The following SV2B variants were observed in gnomAD, a reference collection of about 807,000 sequenced individuals.
The protein encoded by SV2B is solute carrier family 22 member B2.
SV2B carries 41 observed loss-of-function variants against 73.9 expected under a neutral mutation model. The ratio of observed to expected loss-of-function variants is 0.56; its 90% CI spans 0.43 to 0.72. SV2B has a LOEUF of 0.72. Ranked by LOEUF, SV2B falls within the 30% of genes least tolerant of loss-of-function variation. The pLI, the probability that SV2B is intolerant of heterozygous loss-of-function variation, is 0.00. For missense variants in SV2B, 764 were observed against 857.8 expected (o/e 0.89, Z 1.37); for synonymous variants, 314 against 314.2 (o/e 1.00, Z 0.01).
At chr15:91,218,602 G>T (rs1040773757) in intron 1 of SV2B, among the ~76,000 whole-genome samples, 1 of 152,102 alleles carries the variant, frequency 6.6e-6, no homozygotes, top group Non-Finnish European at 1.5e-5. Flanking sequence ...TTACAATAAG[G>T]TTCTCAAATA....
rs1192999490 is a variant in SV2B, at chr15:91,105,025, CTCTT to C, written c.-392+4666_-392+4669del. On this transcript the variant is annotated intron_variant, in intron 1 of 12. Transcript: ENST00000394232. This position sits in a 1 kb window ranked among gnomAD's most constrained non-coding sequence, Gnocchi z 5.5. ...AGCCTGTACTTGCTCTTGTGACTGT[CTCTT>C]TCTGTGTTTCTGTGGTTGACCATCT... is the stretch of plus-strand genomic sequence containing the variant. 5.9e-5 allele frequency among the ~76,000 whole-genome samples: 9 copies of C among 152,316 alleles called. 1 individual carries two copies. The South Asian group carries it at 1.0e-3, about 18-fold the overall frequency.
chr15:91,198,146 C>G (rs917540748), intron 1 of SV2B, among the ~76,000 whole-genome samples: 1 of 152,160 alleles, frequency 6.6e-6, no homozygotes, highest in Admixed American at 6.6e-5. Flanking sequence ...ATGAAAAAGT[C>G]TGCCCCGGTG....
rs951747156 is a variant in SV2B, at chr15:91,300,670, C to T, written c.*8118C>T. The T allele has an allele frequency of 2.0e-5, 3 of 152,120 alleles. No homozygotes were observed. Among genetic ancestry groups the T allele is most frequent in the Non-Finnish European group, 2.9e-5 (2 of 68,034 alleles). 9.4% of individuals were successfully genotyped at this position (152,120 alleles called of 1,614,324 possible). On this transcript the variant is annotated 3_prime_UTR_variant, in exon 13 of 13. Coordinates refer to ENST00000394232, the MANE Select transcript of SV2B (RefSeq NM_001323032.3). ...TCCCTGAAAGTCAGGCCAGTGGTCT[C>T]GAATCATTCCCACAGCAACTGCTAC...
At chr15:91,201,204 C>T (rs932632418) in intron 1 of SV2B, among the ~76,000 whole-genome samples, 25 of 152,308 alleles carry the variant, frequency 1.6e-4, no homozygotes, top group African/African-American at 5.1e-4. Flanking sequence ...CAGTGAATCA[C>T]ACCCTTTTTG....
At chr15:91,191,434 C>T (rs754191041) in intron 1 of SV2B, among the ~76,000 whole-genome samples, 16 of 152,078 alleles carry the variant, frequency 1.1e-4, no homozygotes, top group Non-Finnish European at 1.8e-4. Flanking sequence ...ACCTTCATAT[C>T]GAAGTACTTG....
intron 1 of SV2B, among the ~76,000 whole-genome samples, chr15:91,205,197 A>T (rs1465275586): frequency 2.0e-5 from 3 of 152,122 alleles, no homozygotes; most frequent in Non-Finnish European, 4.4e-5. Context: ...TCAACCTAAA[A>T]TAACCAAAAA....
At position 91,115,940 on chromosome 15, in the gene SV2B, G is replaced by A. The variant is rs1187660062; in HGVS notation, c.-392+15577G>A. On this transcript the variant is annotated intron_variant, in intron 1 of 12. Transcript: ENST00000394232. This position sits in a 1 kb window ranked among gnomAD's most constrained non-coding sequence, Gnocchi z 4.3. Reference sequence around the variant, plus strand: ...GTGTAGAAGTTTGTAAAGAAGCTTTGTTTCACATACACCTTAACAGAGTAC... The same window carrying A: ...GTGTAGAAGTTTGTAAAGAAGCTTTATTTCACATACACCTTAACAGAGTAC... 6.6e-6 allele frequency among the ~76,000 whole-genome samples: 1 copy of A among 152,022 alleles called. No homozygotes were observed. Among genetic ancestry groups the A allele is most frequent in the Non-Finnish European group, 1.5e-5 (1 of 68,016 alleles).
intron 1 of SV2B, among the ~76,000 whole-genome samples, chr15:91,202,214 T>G (rs567771234): frequency 1.8e-4 from 28 of 152,284 alleles, no homozygotes; most frequent in African/African-American, 6.5e-4. Context: ...AGATATGCAT[T>G]TACTTGTTTA....
chr15:91,161,297 A>G (rs1434947747), intron 1 of SV2B, among the ~76,000 whole-genome samples: 2 of 152,146 alleles, frequency 1.3e-5, no homozygotes, highest in Non-Finnish European at 2.9e-5. Context: ...TTTTTTTTGT[A>G]TGTAAATTGT....
chr15:91,167,092 C>T (rs772649756), intron 1 of SV2B, among the ~76,000 whole-genome samples: 6 of 152,048 alleles, frequency 3.9e-5, no homozygotes, highest in South Asian at 2.1e-4. Context: ...GGATTACAGG[C>T]GTGAGCCACC....
chr15:91,109,018 T>C (rs2041965722), intron 1 of SV2B, among the ~76,000 whole-genome samples: 1 of 152,224 alleles, frequency 6.6e-6, no homozygotes, highest in Admixed American at 6.5e-5. Flanking sequence ...AATTTTCTTT[T>C]CACAAAAGGC....
At chr15:91,180,951 T>C (rs1292169857) in intron 1 of SV2B, among the ~76,000 whole-genome samples, 1 of 152,254 alleles carries the variant, frequency 6.6e-6, no homozygotes, top group East Asian at 1.9e-4. Context: ...TGCGTTCCTT[T>C]GGAGGAGGAG....
chr15:91,215,845 A>G (rs937957742), intron 1 of SV2B, among the ~76,000 whole-genome samples: 3 of 152,168 alleles, frequency 2.0e-5, no homozygotes, highest in African/African-American at 7.2e-5. Context: ...CTTCTCCATA[A>G]ATTATTGTTC....
chr15:91,158,663 TCTCTTCTC>T (rs1448997947), intron 1 of SV2B, among the ~76,000 whole-genome samples: 1 of 57,452 alleles, frequency 1.7e-5, no homozygotes, highest in Non-Finnish European at 3.6e-5. Context: ...TCTCTTCTCT[TCTCTTCTC>T]TTCTCTTCTC....
At chr15:91,174,142 G>A (rs2044220787) in intron 1 of SV2B, among the ~76,000 whole-genome samples, 1 of 152,316 alleles carries the variant, frequency 6.6e-6, no homozygotes, top group South Asian at 2.1e-4. Context: ...CAGAGATACA[G>A]CCTTTAGCAA....
chr15:91,221,681 C>T (rs571383795), intron 1 of SV2B, among the ~76,000 whole-genome samples: 1 of 95,612 alleles, frequency 1.0e-5, no homozygotes, highest in Non-Finnish European at 1.9e-5. Context: ...TGGACTATTA[C>T]CAAGCATGTG....
At chr15:91,269,501 C>T (rs964410455) in intron 9 of SV2B, among the ~76,000 whole-genome samples, 6 of 152,210 alleles carry the variant, frequency 3.9e-5, no homozygotes, top group South Asian at 2.1e-4. Context: ...ATATTTACCA[C>T]TTCAATACAA....
At chr15:91,134,723 A>G (rs76615234) in intron 1 of SV2B, among the ~76,000 whole-genome samples, 1,898 of 152,320 alleles carry the variant, frequency 0.012, 31 homozygotes, top group African/African-American at 0.042. Flanking sequence ...GCCAGGCACA[A>G]TTCCTAACAC....
rs573427047 is a variant in SV2B, at chr15:91,289,316, C to T, written c.1709-205C>T. ...TTCCTAAGTCTGGTGATCTGACCCA[C>T]GCAGAGGGCTCTAATGCCATGTCTG... On this transcript the variant is annotated intron_variant, in intron 11 of 12. Transcript: ENST00000394232. This position sits in a 1 kb window ranked among gnomAD's most constrained non-coding sequence, Gnocchi z 4.9. Among the ~76,000 whole-genome samples the T allele has an allele frequency of 3.9e-5, 6 of 152,280 alleles. No individual in the cohort carries two copies. The highest frequency in any genetic ancestry group is 2.1e-4 in the South Asian group (1 of 4,828).
Sources: gnomAD v4.1 joint callset for allele counts (sites outside exome capture counted in the v4.1 genomes callset) on GRCh38, gnomAD v4.1.1 for gene constraint, Gnocchi (gnomAD v3.1) non-coding constraint, MANE v1.5 for transcripts, NCBI Gene and HGNC (gene_info 2026-07-23, HGNC 2026-07-21) for gene names.